CFAP299: variants seen among roughly 807,000 people sequenced by gnomAD.
The protein encoded by CFAP299 is cilia and flagella associated protein 299.
In CFAP299, 21 loss-of-function variants were observed where a neutral mutation model predicts 27.0. The ratio of observed to expected loss-of-function variants is 0.78; its 90% CI spans 0.55 to 1.12. The LOEUF is 1.12. CFAP299 is among the 50% of genes most tolerant of loss of function. The pLI, the probability that CFAP299 is intolerant of heterozygous loss-of-function variation, is 0.00. For missense variants in CFAP299, 310 were observed against 276.6 expected (o/e 1.12, Z -0.86); for synonymous variants, 104 against 98.1 (o/e 1.06, Z -0.36).
intron 4 of CFAP299, chr4:80,871,047 C>T (rs1560456713): frequency 2.4e-6 from 1 of 416,894 alleles, no homozygotes; most frequent in Non-Finnish European, 3.2e-6. Context: ...GCTGGGACTA[C>T]AGGCACATAC....
intron 4 of CFAP299, among the ~76,000 whole-genome samples, chr4:80,888,663 A>G (rs1734090713): frequency 6.6e-6 from 1 of 152,082 alleles, no homozygotes; most frequent in African/African-American, 2.4e-5. Context: ...TGGCTGAAGA[A>G]TACACATTCT....
At chr4:80,365,923 T>C (rs534855466) in intron 2 of CFAP299, among the ~76,000 whole-genome samples, 2 of 152,336 alleles carry the variant, frequency 1.3e-5, no homozygotes, top group East Asian at 3.9e-4. Flanking sequence ...CTGGAAGTCA[T>C]CAGGCTACTT....
At chr4:80,749,466 T>C (rs1578088036) in intron 3 of CFAP299, among the ~76,000 whole-genome samples, 1 of 152,182 alleles carries the variant, frequency 6.6e-6, no homozygotes, top group East Asian at 1.9e-4. Context: ...TTTAGGAAAA[T>C]TGACTCACAT....
intron 2 of CFAP299, 124 bp from the exon 3 acceptor site, chr4:80,582,969 T>C (rs1425406997): frequency 2.0e-6 from 1 of 512,782 alleles, no homozygotes; most frequent in Non-Finnish European, 3.5e-6. Flanking sequence ...AGATCATGAT[T>C]TTATTTATAT....
At chr4:80,563,361 A>G (rs2110224436) in intron 2 of CFAP299, among the ~76,000 whole-genome samples, 2 of 152,260 alleles carry the variant, frequency 1.3e-5, no homozygotes, top group Middle Eastern at 3.4e-3. Context: ...TCTGACCACA[A>G]TGGAATACAA....
chr4:80,343,096 G>C (rs565670054), intron 1 of CFAP299, among the ~76,000 whole-genome samples: 2 of 152,276 alleles, frequency 1.3e-5, no homozygotes, highest in East Asian at 1.9e-4. Flanking sequence ...TACATAATGA[G>C]AAAGGGTTCA....
intron 2 of CFAP299, among the ~76,000 whole-genome samples, chr4:80,401,659 A>G (rs938530792): frequency 6.6e-6 from 1 of 152,216 alleles, no homozygotes; most frequent in Admixed American, 6.5e-5. Context: ...CTGCTAGGGC[A>G]GTGTGGAAGG....
chr4:80,619,979 C>A (rs1738491285), intron 3 of CFAP299, among the ~76,000 whole-genome samples: 1 of 151,832 alleles, frequency 6.6e-6, no homozygotes, highest in Admixed American at 6.6e-5. Flanking sequence ...ATGAAAAATA[C>A]CATCAATAAT....
At chr4:80,388,585 G>A (rs917367201) in intron 2 of CFAP299, 17 of 1,436,394 alleles carry the variant, frequency 1.2e-5, no homozygotes, top group Non-Finnish European at 1.3e-5. Context: ...CCAATGGCTG[G>A]ATAGCAGGGG....
intron 1 of CFAP299, among the ~76,000 whole-genome samples, chr4:80,344,947 T>A (rs1722651472): frequency 6.6e-6 from 1 of 152,046 alleles, no homozygotes; most frequent in African/African-American, 2.4e-5. Flanking sequence ...AACATCCCTT[T>A]ATGTTACTCT....
intron 1 of CFAP299, among the ~76,000 whole-genome samples, chr4:80,340,486 G>A (rs1413529411): frequency 6.6e-6 from 1 of 152,140 alleles, no homozygotes; most frequent in African/African-American, 2.4e-5. Flanking sequence ...TATTCCTCTA[G>A]GAGATTCAGG....
At chr4:80,889,681 C>T (rs1348605946) in intron 4 of CFAP299, among the ~76,000 whole-genome samples, 1 of 152,002 alleles carries the variant, frequency 6.6e-6, no homozygotes, top group Non-Finnish European at 1.5e-5. Context: ...AAATGGAAAA[C>T]TGCAGGCCAA....
intron 3 of CFAP299, among the ~76,000 whole-genome samples, chr4:80,827,266 G>C (rs1730037469): frequency 6.6e-6 from 1 of 151,732 alleles, no homozygotes; most frequent in South Asian, 2.1e-4. Flanking sequence ...CAAGAAAACT[G>C]TAGACCACTA....
At chr4:80,745,528 T>G (rs997596551) in intron 3 of CFAP299, among the ~76,000 whole-genome samples, 4 of 152,102 alleles carry the variant, frequency 2.6e-5, no homozygotes, top group Non-Finnish European at 4.4e-5. Context: ...CAGAGTAGTT[T>G]TTTTATATTT....
chr4:80,743,554 G>A (rs1341098037), intron 3 of CFAP299, among the ~76,000 whole-genome samples: 1 of 152,092 alleles, frequency 6.6e-6, no homozygotes, highest in Non-Finnish European at 1.5e-5. Flanking sequence ...TCACACACTA[G>A]TTTCTTGCTT....
At chr4:80,551,116 A>G (rs369853342) in intron 2 of CFAP299, among the ~76,000 whole-genome samples, 2 of 152,232 alleles carry the variant, frequency 1.3e-5, no homozygotes, top group African/African-American at 4.8e-5. Context: ...CTGTTCAACT[A>G]AAGTATATAA....
Position 80,687,836 on chromosome 4 carries a change from G to A in CFAP299, c.333+104653G>A, listed in dbSNP as rs899868912. Among the ~76,000 whole-genome samples, 104 of 152,312 alleles carry A rather than the reference G, an allele frequency of 6.8e-4. 1 individual carries two copies. Among genetic ancestry groups the A allele is most frequent in the South Asian group, 2.1e-4 (1 of 4,828 alleles). On this transcript the variant is annotated intron_variant, in intron 3 of 5. Transcript: ENST00000358105. ...GCGCAGGTCAGTGGGTGCGCGCACC[G>A]TGCGCAAGCCGAAGCAGGGCGAGGC...
intron 3 of CFAP299, among the ~76,000 whole-genome samples, chr4:80,842,174 G>A (rs947365172): frequency 2.6e-5 from 4 of 152,114 alleles, no homozygotes; most frequent in Non-Finnish European, 5.9e-5. Context: ...AGAGGCTACT[G>A]TATGTTGTTG....
chr4:80,688,560 A>G (rs1312053953), intron 3 of CFAP299, among the ~76,000 whole-genome samples: 1 of 152,216 alleles, frequency 6.6e-6, no homozygotes, highest in East Asian at 1.9e-4. Context: ...CCATCATCAA[A>G]GACAAAAGTA....
Sources: gnomAD v4.1 joint callset for allele counts (sites outside exome capture counted in the v4.1 genomes callset) on GRCh38, gnomAD v4.1.1 for gene constraint, MANE v1.5 for transcripts, NCBI Gene and HGNC (gene_info 2026-07-23, HGNC 2026-07-21) for gene names.